Variants in BCL2L12 observed in about 807,000 individuals in gnomAD.
BCL2L12 encodes bcl-2-like protein 12.
A neutral mutation model predicts 25.7 loss-of-function variants in BCL2L12; 27 were observed. That is an observed-to-expected ratio of 1.05 (90% confidence interval 0.78 to 1.45). BCL2L12 has a LOEUF of 1.45. Ranked by LOEUF, BCL2L12 falls within the 40% of genes most tolerant of loss-of-function variation. The pLI, the probability that BCL2L12 is intolerant of heterozygous loss-of-function variation, is 0.00. For synonymous variants in BCL2L12, 132 were observed against 145.6 expected (o/e 0.91, Z 0.67); for missense variants, 302 against 329.8 (o/e 0.92, Z 0.65).
chr19:49,667,046 C>A lies in BCL2L12; in HGVS notation c.135C>A (p.Asp45Glu). The A allele has an allele frequency of 6.2e-7, 1 of 1,613,614 alleles. No individual in the cohort carries two copies. The highest frequency in any genetic ancestry group is 8.5e-7 in the Non-Finnish European group (1 of 1,179,914). The change falls in exon 3 of 7, where the codon GAC becomes GAA. Residue 45 changes from aspartate to glutamate, a missense_variant. By Grantham distance (45) the Asp-to-Glu change is conservative. Transcript: ENST00000246784. ...PRSPAQEEPTDFLSRLRRCLP... is the reference protein window; with the variant it reads ...PRSPAQEEPTEFLSRLRRCLP... ...GCCCTGCCCAAGAAGAGCCAACAGA[C>A]TTCCTGAGCCGCCTTCGAAGATGTC...
chr19:49,665,844 G>A, upstream of BCL2L12: 1 of 1,602,670 alleles, frequency 6.2e-7, no homozygotes, highest in South Asian at 1.1e-5. Flanking sequence ...CCGCTGGGCT[G>A]TTCCCGCCCC....
intron 1 of BCL2L12, 49 bp downstream of exon 1, chr19:49,666,116 G>A: frequency 6.6e-7 from 1 of 1,509,956 alleles, no homozygotes. Flanking sequence ...AGAGGAGGGG[G>A]CCGGGATCCA....
rs896049107 is a variant in BCL2L12, at chr19:49,672,620, T to A, written c.703-1078T>A. The stretch of plus-strand genomic sequence containing the variant: ...CGGGGGCGGTGGAGAATGCTGGATT[T>A]AACTTAGCGGTGAAGCTGACAGATT... On this transcript the variant is annotated intron_variant, in intron 6 of 6. Coordinates refer to ENST00000246784, the MANE Select transcript of BCL2L12 (RefSeq NM_138639.2). This position sits in a 1 kb window ranked among gnomAD's most constrained non-coding sequence, Gnocchi z 4.1. 1.3e-5 allele frequency among the ~76,000 whole-genome samples: 2 copies of A among 151,934 alleles called. No individual in the cohort carries two copies. Among genetic ancestry groups the A allele is most frequent in the African/African-American group, 4.8e-5 (2 of 41,350 alleles).
chr19:49,670,647 C>T (rs2081942874), intron 6 of BCL2L12, among the ~76,000 whole-genome samples, 159 bp downstream of exon 6: 1 of 152,228 alleles, frequency 6.6e-6, no homozygotes, highest in Admixed American at 6.5e-5. Flanking sequence ...AGGACTGCAG[C>T]GATGAGTGCA....
intron 5 of BCL2L12, 70 bp from the exon 6 acceptor site, chr19:49,670,146 G>A (rs1228427381): frequency 1.9e-6 from 3 of 1,545,730 alleles, no homozygotes; most frequent in Non-Finnish European, 2.6e-6. Flanking sequence ...GGGAAGCCAC[G>A]CCTCCCGGCC....
chr19:49,665,275 A>C (rs985281327), upstream of BCL2L12: 4 of 176,194 alleles, frequency 2.3e-5, no homozygotes, highest in Admixed American at 2.3e-4. Context: ...CCTACAGAAG[A>C]TCTCCCAAAA....
Position 49,666,014 on chromosome 19 carries a change from A to G in BCL2L12, c.-62A>G, listed in dbSNP as rs1177111391. The G allele has an allele frequency of 6.3e-7, 1 of 1,583,936 alleles. No homozygotes were observed. The highest frequency in any genetic ancestry group is 8.6e-7 in the Non-Finnish European group (1 of 1,163,148). On this transcript the variant is annotated 5_prime_UTR_variant, in exon 1 of 7. Transcript: ENST00000246784. ...GAACTAATAAAGTTTGTACGAGTTC[A>G]GTGGAGGAGACCGCAAGTTGAGTGG...
Position 49,670,466 on chromosome 19 carries a change from G to A in BCL2L12, c.680G>A (p.Trp227Ter), listed in dbSNP as rs1459642739. 2 of 1,536,314 alleles carry A rather than the reference G, an allele frequency of 1.3e-6. No homozygotes were observed. The highest frequency in any genetic ancestry group is 2.1e-5 in the Admixed American group (1 of 47,140). Residue 227 changes from tryptophan to a stop codon, truncating the protein, a stop_gained, in exon 6 of 7, where the codon TGG becomes TAG. Coordinates refer to ENST00000246784, the MANE Select transcript of BCL2L12 (RefSeq NM_138639.2). LOFTEE classifies it high-confidence loss of function. ...GAGCACGTGCACAGCTTCACGCCCTGGATCCAGGCCCACGGGGGCTGGGTG... is the reference window on the plus strand; with the variant it reads ...GAGCACGTGCACAGCTTCACGCCCTAGATCCAGGCCCACGGGGGCTGGGTG... ...SVEHVHSFTPWIQAHGGWEGI... is the reference protein window; with the variant it reads ...SVEHVHSFTP
chr19:49,671,142 ACAGAG>A (rs2081954288), intron 6 of BCL2L12, among the ~76,000 whole-genome samples: 1 of 151,550 alleles, frequency 6.6e-6, no homozygotes, highest in Non-Finnish European at 1.5e-5. Flanking sequence ...AGCCTGGGCG[ACAGAG>A]TGAGACTGTG....
chr19:49,673,737 C>T lies in BCL2L12; in HGVS notation c.742C>T (p.Pro248Ser). The change falls in exon 7 of 7, where the codon CCA (proline) becomes TCA (serine). Residue 248 changes from proline to serine, a missense_variant. Pro to Ser is a moderately conservative substitution (Grantham distance 74, BLOSUM62 -1). Transcript: ENST00000246784. The stretch of plus-strand genomic sequence containing the variant: ...TGTTTCACCCGTGGACTTGAACTTG[C>T]CATTGGACTGAGCTCTTTCTCAGAA... ...LAVSPVDLNLPLD is the reference protein window; with the variant it reads ...LAVSPVDLNLSLD The T allele has an allele frequency of 1.2e-6, 2 of 1,614,172 alleles. No homozygotes were observed. Among genetic ancestry groups the T allele is most frequent in the Non-Finnish European group, 1.7e-6 (2 of 1,180,026 alleles).
intron 1 of BCL2L12, 124 bp downstream of exon 1, chr19:49,666,191 G>T (rs1361155692): frequency 1.4e-5 from 19 of 1,315,056 alleles, no homozygotes; most frequent in African/African-American, 4.4e-5. Context: ...GATTCCAGCA[G>T]GGGTCGGAGA....
At chr19:49,665,657 G>A (rs1000060931), upstream of BCL2L12, 14 of 865,924 alleles carry the variant, frequency 1.6e-5, no homozygotes, top group South Asian at 1.4e-4. Context: ...GGGCGTGCGG[G>A]CAGCTGGAAC....
At chr19:49,667,277 A>G in intron 3 of BCL2L12, 116 bp downstream of exon 3, 1 of 1,415,988 alleles carries the variant, frequency 7.1e-7, no homozygotes, top group Non-Finnish European at 9.6e-7. Flanking sequence ...CCTTCAGGAC[A>G]GAACCGTCCT....
chr19:49,665,963 G>T lies in BCL2L12; in HGVS notation c.-113G>T, dbSNP rs2060263. Reference sequence around the variant, plus strand: ...CTACGCTGGGCCGGTTATCGACCCGGCCCAGTGCGCAGGCGCGGGAAAGTT... The same window carrying T: ...CTACGCTGGGCCGGTTATCGACCCGTCCCAGTGCGCAGGCGCGGGAAAGTT... On this transcript the variant is annotated 5_prime_UTR_variant, in exon 1 of 7. Coordinates refer to ENST00000246784, the MANE Select transcript of BCL2L12 (RefSeq NM_138639.2). The T allele has an allele frequency of 9.0e-3, 14,580 of 1,613,260 alleles. 1,127 individuals carry two copies. The African/African-American group carries it at 0.17, about 18-fold the overall frequency.
chr19:49,673,649 G>C lies in BCL2L12; in HGVS notation c.703-49G>C, dbSNP rs542690016. On this transcript the variant is annotated intron_variant, in intron 6 of 6. Coordinates refer to ENST00000246784, the MANE Select transcript of BCL2L12 (RefSeq NM_138639.2). ...GGGCTGATGTGGACGCTGCTGTATG[G>C]GGGGAACACCTGCCCTGCTCACAGG... is the stretch of plus-strand genomic sequence containing the variant. 2.0e-6 allele frequency: 3 copies of C among 1,489,504 alleles called. No individual in the cohort carries two copies. The Admixed American group carries it at 5.0e-5, about 25-fold the overall frequency. The allele number at this position is 1,489,504 out of a possible 1,614,324, so 92.3% of individuals were successfully genotyped here.
chr19:49,666,877 TCTC>T, intron 2 of BCL2L12, 78 bp downstream of exon 2: 1 of 1,516,826 alleles, frequency 6.6e-7, no homozygotes, highest in Non-Finnish European at 8.9e-7. Flanking sequence ...TCTCAGTCTG[TCTC>T]CTCTCTTTAT....
intron 6 of BCL2L12, among the ~76,000 whole-genome samples, chr19:49,670,752 T>C (rs2081945631): frequency 6.6e-6 from 1 of 152,172 alleles, no homozygotes; most frequent in Non-Finnish European, 1.5e-5. Context: ...ACGGGGTAGC[T>C]CATGCCTGTA....
Position 49,668,908 on chromosome 19 carries a change from A to G in BCL2L12, c.308A>G (p.Gln103Arg), listed in dbSNP as rs2081888914. The change falls in exon 4 of 7, where the codon CAA (glutamine) becomes CGA (arginine). Residue 103 changes from glutamine to arginine, a missense_variant. Transcript: ENST00000246784. The part of the protein sequence containing the change: ...LVAQRLEQLV[Q>R]EQLKSPPSPE... The stretch of plus-strand genomic sequence containing the variant: ...GCCCAGCGGCTGGAACAGCTGGTCC[A>G]AGAGCAGCTGAAATCTCCGCCCAGC... 1 of 1,613,792 alleles carries G rather than the reference A, an allele frequency of 6.2e-7. No homozygotes were observed. The highest frequency in any genetic ancestry group is 8.5e-7 in the Non-Finnish European group (1 of 1,179,924).
intron 6 of BCL2L12, among the ~76,000 whole-genome samples, chr19:49,671,937 C>T (rs1377141104): frequency 6.6e-6 from 1 of 152,202 alleles, no homozygotes; most frequent in Non-Finnish European, 1.5e-5. Context: ...TTCCCCCTTC[C>T]TGCTTTACTT....
Sources: allele counts gnomAD v4.1 joint callset (sites outside exome capture counted in the v4.1 genomes callset), GRCh38; gene constraint gnomAD v4.1.1; non-coding constraint Gnocchi (gnomAD v3.1); transcripts MANE v1.5; gene names NCBI Gene and HGNC (gene_info 2026-07-23, HGNC 2026-07-21).